CNTNAP2: variants seen among roughly 807,000 people sequenced by gnomAD.
CNTNAP2 encodes the protein contactin associated protein 2, also known as contactin-associated protein-like 2.
In CNTNAP2, 98 loss-of-function variants were observed where a neutral mutation model predicts 155.2. The ratio of observed to expected loss-of-function variants is 0.63; its 90% confidence interval spans 0.54 to 0.75. The LOEUF (loss-of-function observed/expected upper bound fraction) is 0.75, where lower values mean the gene tolerates loss of function less well. Ranked by LOEUF, CNTNAP2 falls within the 30% of genes least tolerant of loss-of-function variation. The pLI is 0.00. For synonymous variants in CNTNAP2, 651 were observed against 631.2 expected, an observed-to-expected ratio of 1.03 and a Z score of -0.47; for missense variants, 1,727 against 1,688.1, an observed-to-expected ratio of 1.02 and a Z score of -0.40.
At chr7:146,179,435 T>G (rs900173240) in intron 1 of CNTNAP2, among the ~76,000 whole-genome samples, 1 of 152,152 alleles carries the variant, frequency 6.6e-6, no homozygotes, top group Non-Finnish European at 1.5e-5. Flanking sequence ...ACTTTAGCAT[T>G]TAGTTCACTA....
At chr7:147,972,354 A>G (rs968453005) in intron 14 of CNTNAP2, among the ~76,000 whole-genome samples, 3 of 152,166 alleles carry the variant, frequency 2.0e-5, no homozygotes, top group African/African-American at 7.2e-5. Context: ...CAGTGTAATC[A>G]TTTTCATAAT....
intron 1 of CNTNAP2, among the ~76,000 whole-genome samples, chr7:146,498,959 A>G (rs1256148737): frequency 6.6e-6 from 1 of 152,198 alleles, no homozygotes; most frequent in African/African-American, 2.4e-5. Context: ...ACATTTTTAA[A>G]AGTACACATA....
rs551568439 is a variant in CNTNAP2, at chr7:147,020,014, T to C, written c.403-23893T>C. ...AGATATAGTATGGTATGGTATGGTA[T>C]GGTATAGTACAGTACAGAATAGATA... is the stretch of plus-strand genomic sequence containing the variant. On this transcript the variant is annotated intron_variant, in intron 3 of 23. Coordinates refer to ENST00000361727, the MANE Select transcript of CNTNAP2 (RefSeq NM_014141.6). Among the ~76,000 whole-genome samples, 1,360 of 152,152 alleles carry C rather than the reference T, an allele frequency of 8.9e-3. 14 individuals carry two copies. The highest frequency in any genetic ancestry group is 0.027 in the African/African-American group (1,124 of 41,526).
chr7:146,135,054 A>G (rs920198064), intron 1 of CNTNAP2, among the ~76,000 whole-genome samples: 2 of 152,018 alleles, frequency 1.3e-5, no homozygotes, highest in Admixed American at 1.3e-4. Flanking sequence ...ACTCTTTTTT[A>G]TAATGTAACA....
At chr7:146,449,689 G>A (rs536865102) in intron 1 of CNTNAP2, among the ~76,000 whole-genome samples, 2 of 152,238 alleles carry the variant, frequency 1.3e-5, no homozygotes, top group African/African-American at 2.4e-5. Flanking sequence ...TACTTAAAAC[G>A]ACATTTAAGA....
chr7:146,377,802 G>A (rs904874249), intron 1 of CNTNAP2, among the ~76,000 whole-genome samples: 1 of 152,138 alleles, frequency 6.6e-6, no homozygotes, highest in Admixed American at 6.5e-5. Flanking sequence ...TAGGGCAGGG[G>A]CTATAAAAGA....
chr7:146,525,772 C>T (rs746435846), intron 1 of CNTNAP2, among the ~76,000 whole-genome samples: 163 of 152,072 alleles, frequency 1.1e-3, no homozygotes, highest in Non-Finnish European at 1.4e-3. Context: ...TTGGCAGCTG[C>T]GGCACTACTG....
intron 1 of CNTNAP2, among the ~76,000 whole-genome samples, chr7:146,409,551 T>C (rs369856611): frequency 2.6e-5 from 4 of 152,266 alleles, no homozygotes; most frequent in African/African-American, 9.6e-5. Flanking sequence ...ATATCAGATA[T>C]GTCAATATGA....
At chr7:146,585,206 C>G (rs1451007460) in intron 1 of CNTNAP2, among the ~76,000 whole-genome samples, 1 of 152,148 alleles carries the variant, frequency 6.6e-6, no homozygotes, top group African/African-American at 2.4e-5. Context: ...ACTGCAACCT[C>G]TGACTCCCTG....
chr7:147,979,832 A>T (rs1801491044), intron 15 of CNTNAP2, among the ~76,000 whole-genome samples: 1 of 152,110 alleles, frequency 6.6e-6, no homozygotes, highest in Non-Finnish European at 1.5e-5. Flanking sequence ...CATGTTGGAC[A>T]GACTGGTCTC....
chr7:148,289,123 C>T (rs1170688144), intron 21 of CNTNAP2, among the ~76,000 whole-genome samples: 1 of 152,064 alleles, frequency 6.6e-6, no homozygotes, highest in Non-Finnish European at 1.5e-5. Flanking sequence ...CTAATAGGAC[C>T]CTATCAGCTC....
chr7:147,463,272 T>G (rs2116592066), intron 10 of CNTNAP2, among the ~76,000 whole-genome samples: 1 of 152,312 alleles, frequency 6.6e-6, no homozygotes, highest in South Asian at 2.1e-4. Flanking sequence ...ATTAAGTGCA[T>G]CTCTGAAGGA....
At chr7:147,365,132 A>G (rs1796206435) in intron 9 of CNTNAP2, among the ~76,000 whole-genome samples, 1 of 152,008 alleles carries the variant, frequency 6.6e-6, no homozygotes, top group Non-Finnish European at 1.5e-5. Context: ...GGCCGAGTGC[A>G]GTGGCTCATG....
At chr7:147,720,714 C>T (rs117781501) in intron 13 of CNTNAP2, among the ~76,000 whole-genome samples, 4,278 of 152,152 alleles carry the variant, frequency 0.028, 87 homozygotes, top group Middle Eastern at 0.11. Flanking sequence ...TCCTTCCTGC[C>T]GCCTTGCGAA....
At chr7:146,550,819 C>T (rs1798111012) in intron 1 of CNTNAP2, among the ~76,000 whole-genome samples, 1 of 152,028 alleles carries the variant, frequency 6.6e-6, no homozygotes, top group African/African-American at 2.4e-5. Context: ...TGGAACCATT[C>T]AGATTTTTAA....
chr7:148,069,292 C>G (rs956050298), intron 15 of CNTNAP2, among the ~76,000 whole-genome samples: 1 of 152,154 alleles, frequency 6.6e-6, no homozygotes, highest in Non-Finnish European at 1.5e-5. Flanking sequence ...TAAGTGTATG[C>G]AAATGCTCCT....
At chr7:147,514,024 A>G (rs1270821191) in intron 11 of CNTNAP2, among the ~76,000 whole-genome samples, 1 of 152,202 alleles carries the variant, frequency 6.6e-6, no homozygotes, top group African/African-American at 2.4e-5. Flanking sequence ...TCTGCTGGAA[A>G]TGAAAACACC....
intron 1 of CNTNAP2, among the ~76,000 whole-genome samples, chr7:146,768,911 G>A (rs181250389): frequency 2.0e-5 from 3 of 152,200 alleles, no homozygotes; most frequent in South Asian, 2.1e-4. Flanking sequence ...TGTCAATTAC[G>A]TATATTCTGA....
At chr7:147,987,273 G>A (rs746784815) in intron 15 of CNTNAP2, among the ~76,000 whole-genome samples, 4 of 152,196 alleles carry the variant, frequency 2.6e-5, no homozygotes, top group African/African-American at 4.8e-5. Context: ...CAATTCCTGC[G>A]AAGGAAATCA....
Sources: allele counts gnomAD v4.1 joint callset (sites outside exome capture counted in the v4.1 genomes callset), GRCh38; gene constraint gnomAD v4.1.1; transcripts MANE v1.5; gene names NCBI Gene and HGNC (gene_info 2026-07-23, HGNC 2026-07-21).